Variants in SLC24A2 observed in about 807,000 individuals in gnomAD.
SLC24A2 encodes sodium/potassium/calcium exchanger 2.
Under a neutral mutation model 62.0 loss-of-function variants are expected in SLC24A2, and 36 were observed. The ratio of observed to expected loss-of-function variants is 0.58; its 90% confidence interval spans 0.44 to 0.77. The LOEUF (loss-of-function observed/expected upper bound fraction) is 0.77. Ranked by LOEUF, SLC24A2 falls within the 30% of genes least tolerant of loss-of-function variation. SLC24A2 has a pLI of 0.00. For synonymous variants in SLC24A2, 358 were observed against 294.0 expected, an observed-to-expected ratio of 1.22 and a Z score of -2.23; for missense variants, 846 against 817.9, an observed-to-expected ratio of 1.03 and a Z score of -0.42.
chr9:19,802,866 T>G, the SLC24A2 span, among the ~76,000 whole-genome samples: 3 of 152,144 alleles, frequency 2.0e-5, no homozygotes, highest in African/African-American at 7.2e-5. Context: ...GCAATAGTAT[T>G]AGGAGATTGG....
At chr9:19,584,670 T>A (rs1273442941) in intron 5 of SLC24A2, among the ~76,000 whole-genome samples, 1 of 152,166 alleles carries the variant, frequency 6.6e-6, no homozygotes, top group East Asian at 1.9e-4. Context: ...ATGTGCACAT[T>A]GTGCAGGTTA....
intron 2 of SLC24A2, among the ~76,000 whole-genome samples, chr9:19,754,498 C>T (rs1244536539): frequency 6.6e-6 from 1 of 152,170 alleles, no homozygotes; most frequent in Non-Finnish European, 1.5e-5. Context: ...TCTGCAGAGG[C>T]TTGGAAATCT....
chr9:19,544,494 C>G (rs995754929), intron 8 of SLC24A2, among the ~76,000 whole-genome samples: 2 of 151,922 alleles, frequency 1.3e-5, no homozygotes, highest in African/African-American at 4.8e-5. Flanking sequence ...GGTTATTTTG[C>G]CTGTTAGTTG....
chr9:20,212,759 C>T, the SLC24A2 span, among the ~76,000 whole-genome samples: 1 of 150,866 alleles, frequency 6.6e-6, no homozygotes, highest in African/African-American at 2.5e-5. Flanking sequence ...TCCCATGAAA[C>T]AATAACAAAA....
At chr9:20,062,245 A>G in the SLC24A2 span, among the ~76,000 whole-genome samples, 3 of 152,140 alleles carry the variant, frequency 2.0e-5, no homozygotes, top group African/African-American at 7.2e-5. Flanking sequence ...ATAAATAAAA[A>G]TAAAAGACTT....
chr9:19,933,023 C>G, the SLC24A2 span, among the ~76,000 whole-genome samples: 5 of 152,212 alleles, frequency 3.3e-5, no homozygotes, highest in African/African-American at 1.2e-4. Context: ...TCATCCTTGG[C>G]CTTCCCAGCC....
At chr9:19,555,369 G>C (rs1227804054) in intron 7 of SLC24A2, among the ~76,000 whole-genome samples, 2 of 152,112 alleles carry the variant, frequency 1.3e-5, no homozygotes, top group African/African-American at 4.8e-5. Flanking sequence ...TAATCGATAA[G>C]ATTCTTTCTG....
At chr9:19,719,853 T>C (rs930362212) in intron 2 of SLC24A2, among the ~76,000 whole-genome samples, 1 of 152,210 alleles carries the variant, frequency 6.6e-6, no homozygotes, top group African/African-American at 2.4e-5. Flanking sequence ...TGATCACACC[T>C]AGAAACTGTG....
chr9:19,725,468 A>G (rs888067081), intron 2 of SLC24A2, among the ~76,000 whole-genome samples: 3 of 152,190 alleles, frequency 2.0e-5, no homozygotes, highest in Non-Finnish European at 4.4e-5. Flanking sequence ...GATGACATGC[A>G]TACAAACTCT....
chr9:20,061,410 C>T, the SLC24A2 span, among the ~76,000 whole-genome samples: 1 of 152,122 alleles, frequency 6.6e-6, no homozygotes, highest in South Asian at 2.1e-4. Context: ...CCTCAGCCTC[C>T]CAAGTAGCTG....
rs139204914 is a variant in SLC24A2 at position 19,542,595 on chromosome 9, T to C, written c.1479+7542A>G. ...ATGGGTTTGCCATAAACAGCTCTTATTGAGATACGTTCAATCAGTGCCTAC... is the reference window on the plus strand; with the variant it reads ...ATGGGTTTGCCATAAACAGCTCTTACTGAGATACGTTCAATCAGTGCCTAC... On this transcript the variant is annotated intron_variant, in intron 8 of 10. Transcript: ENST00000341998. 1.1e-4 allele frequency among the ~76,000 whole-genome samples: 16 copies of C among 152,318 alleles called. No individual in the cohort carries two copies. In the East Asian group the frequency reaches 1.7e-3, roughly 17 times the overall value.
the SLC24A2 span, among the ~76,000 whole-genome samples, chr9:20,071,459 G>A: frequency 6.6e-6 from 1 of 152,188 alleles, no homozygotes. Context: ...TCGGGATGGA[G>A]GAAATGTATT....
chr9:19,748,642 T>G (rs927935892), intron 2 of SLC24A2, among the ~76,000 whole-genome samples: 2 of 151,920 alleles, frequency 1.3e-5, no homozygotes, highest in African/African-American at 4.8e-5. Context: ...CTAGGCAGCC[T>G]AGGCCCAGAT....
intron 3 of SLC24A2, among the ~76,000 whole-genome samples, chr9:19,620,630 CT>C (rs1332464637): frequency 3.3e-5 from 5 of 152,208 alleles, no homozygotes; most frequent in African/African-American, 1.2e-4. Context: ...CCCAAACCCT[CT>C]GTATTTTGAT....
At chr9:19,638,785 GACATTAAATAA>G (rs1818420226) in intron 2 of SLC24A2, among the ~76,000 whole-genome samples, 3 of 10,272 alleles carry the variant, frequency 2.9e-4, no homozygotes, top group Non-Finnish European at 5.6e-4. Context: ...TAAATAAGAT[GACATTAAATAA>G]GATGACATAC....
At chr9:20,286,271 A>G in the SLC24A2 span, among the ~76,000 whole-genome samples, 1 of 152,222 alleles carries the variant, frequency 6.6e-6, no homozygotes, top group African/African-American at 2.4e-5. Flanking sequence ...TATTTTTCTC[A>G]TATTCAATAA....
At chr9:20,129,928 TACACACACAC>T in the SLC24A2 span, among the ~76,000 whole-genome samples, 14 of 141,906 alleles carry the variant, frequency 9.9e-5, no homozygotes, top group Middle Eastern at 0.011. Context: ...TATAATTTAC[TACACACACAC>T]ACACACACAC....
At chr9:19,741,311 C>T (rs1296777413) in intron 2 of SLC24A2, among the ~76,000 whole-genome samples, 2 of 152,132 alleles carry the variant, frequency 1.3e-5, no homozygotes, top group Non-Finnish European at 2.9e-5. Context: ...AAGTGGGAAG[C>T]CTGTAGGAAA....
chr9:19,686,371 C>A (rs1819880633), intron 2 of SLC24A2, among the ~76,000 whole-genome samples: 1 of 152,034 alleles, frequency 6.6e-6, no homozygotes, highest in African/African-American at 2.4e-5. Context: ...GAACTTAAAA[C>A]AGAAGTAACA....
Sources: gnomAD v4.1 joint callset for allele counts (sites outside exome capture counted in the v4.1 genomes callset) on GRCh38, gnomAD v4.1.1 for gene constraint, MANE v1.5 for transcripts, NCBI Gene and HGNC (gene_info 2026-07-23, HGNC 2026-07-21) for gene names.